TLE1: variants seen among roughly 807,000 people sequenced by gnomAD.
TLE1 encodes the protein transducin-like enhancer protein 1.
TLE1 carries 21 observed loss-of-function variants against 89.8 expected under a neutral mutation model. The observed-to-expected ratio is 0.23, with a 90% CI of 0.17 to 0.34. The LOEUF (loss-of-function observed/expected upper bound fraction) is 0.34. Among genes scored for constraint, TLE1 ranks in the 10% least tolerant of loss-of-function variants. The pLI, the probability that TLE1 is intolerant of heterozygous loss-of-function variation, is 1.00. For synonymous variants in TLE1, 447 were observed against 407.6 expected, an observed-to-expected ratio of 1.10 and a Z score of -1.16; for missense variants, 795 against 1,031.2, an observed-to-expected ratio of 0.77 and a Z score of 3.14.
At chr9:81,593,397 T>G (rs1010792676) in intron 14 of TLE1, 123 bp from the exon 15 acceptor site, 11 of 1,307,440 alleles carry the variant, frequency 8.4e-6, no homozygotes, top group Non-Finnish European at 1.1e-5. Context: ...TTGTATAGTT[T>G]CCTTTGAAAT....
intron 14 of TLE1, among the ~76,000 whole-genome samples, chr9:81,606,798 T>TAG (rs1300734256): frequency 6.0e-5 from 9 of 149,764 alleles, no homozygotes; most frequent in East Asian, 2.0e-4. Flanking sequence ...CATATATATA[T>TAG]ATATAGAGAG....
At chr9:81,641,976 C>T (rs771108625) in intron 6 of TLE1, among the ~76,000 whole-genome samples, 4 of 151,956 alleles carry the variant, frequency 2.6e-5, no homozygotes, top group African/African-American at 7.3e-5. Flanking sequence ...AAGCGGAGAT[C>T]GCGCCATTGC....
intron 16 of TLE1, among the ~76,000 whole-genome samples, chr9:81,588,176 A>T (rs1052055272): frequency 1.3e-5 from 2 of 152,226 alleles, no homozygotes; most frequent in Non-Finnish European, 2.9e-5. Flanking sequence ...AATAGAAAAT[A>T]AAAGACAAAC....
At chr9:81,666,895 A>T (rs369707622) in intron 4 of TLE1, among the ~76,000 whole-genome samples, 1 of 152,126 alleles carries the variant, frequency 6.6e-6, no homozygotes, top group Non-Finnish European at 1.5e-5. Context: ...AGGTAAGAGG[A>T]TCACCGCAGA....
intron 4 of TLE1, among the ~76,000 whole-genome samples, chr9:81,660,903 T>C (rs948657584): frequency 6.8e-6 from 1 of 146,102 alleles, no homozygotes; most frequent in African/African-American, 2.5e-5. Context: ...AAGACCATTC[T>C]GGCTAACACG....
intron 14 of TLE1, among the ~76,000 whole-genome samples, chr9:81,608,497 G>A (rs1445115762): frequency 3.9e-5 from 6 of 152,144 alleles, no homozygotes; most frequent in Non-Finnish European, 7.4e-5. Flanking sequence ...CTGGGCAACA[G>A]AGCAAGACCC....
Position 81,585,675 on chromosome 9 carries a change from C to T in TLE1, c.1978-20G>A, listed in dbSNP as rs764004060. On this transcript the variant is annotated intron_variant, in intron 17 of 19. Transcript: ENST00000376499. Reference sequence around the variant, plus strand: ...GAAGATCTACAAGGAGCAAGACAGGCTCACTCATTATTCCGCCTGATACAC... The same window carrying T: ...GAAGATCTACAAGGAGCAAGACAGGTTCACTCATTATTCCGCCTGATACAC... 2.5e-6 allele frequency: 4 copies of T among 1,612,342 alleles called. No individual in the cohort carries two copies. The Admixed American group carries it at 6.7e-5, about 27-fold the overall frequency.
At chr9:81,679,439 CTTAAT>C (rs1312361169) in intron 4 of TLE1, among the ~76,000 whole-genome samples, 3 of 151,944 alleles carry the variant, frequency 2.0e-5, no homozygotes, top group Admixed American at 6.6e-5. Flanking sequence ...ACATGAATAT[CTTAAT>C]TTATGTTAAA....
intron 4 of TLE1, among the ~76,000 whole-genome samples, chr9:81,668,279 A>G (rs1276055947): frequency 1.3e-5 from 2 of 152,208 alleles, no homozygotes; most frequent in African/African-American, 4.8e-5. Flanking sequence ...AACAGTTAAC[A>G]GTCAAGAAGT....
At chr9:81,654,322 T>G (rs1829899255) in intron 4 of TLE1, among the ~76,000 whole-genome samples, 1 of 152,124 alleles carries the variant, frequency 6.6e-6, no homozygotes, top group Non-Finnish European at 1.5e-5. Flanking sequence ...TTTAATATGG[T>G]GACTATATAT....
chr9:81,669,826 C>T (rs1367417583), intron 4 of TLE1, among the ~76,000 whole-genome samples: 1 of 152,156 alleles, frequency 6.6e-6, no homozygotes, highest in African/African-American at 2.4e-5. Context: ...ATAACCCTGA[C>T]TTTATACCAA....
intron 8 of TLE1, among the ~76,000 whole-genome samples, chr9:81,621,780 C>T (rs181483306): frequency 6.2e-4 from 94 of 152,250 alleles, no homozygotes; most frequent in African/African-American, 1.9e-3. Flanking sequence ...GGGTTGTCTC[C>T]AGCTCAACCA....
intron 4 of TLE1, among the ~76,000 whole-genome samples, chr9:81,682,879 A>C (rs563176494): frequency 5.2e-4 from 79 of 152,332 alleles, no homozygotes; most frequent in Non-Finnish European, 9.6e-4. Flanking sequence ...GAAAGACTTA[A>C]GTATCTATTA....
intron 14 of TLE1, among the ~76,000 whole-genome samples, chr9:81,593,873 A>G (rs1829873326): frequency 6.6e-6 from 1 of 152,164 alleles, no homozygotes; most frequent in African/African-American, 2.4e-5. Context: ...CTACTCAACA[A>G]TCTTCCTTGC....
intron 17 of TLE1, among the ~76,000 whole-genome samples, chr9:81,586,140 C>T (rs1828403131): frequency 1.3e-5 from 2 of 151,760 alleles, no homozygotes; most frequent in Non-Finnish European, 2.9e-5. Context: ...GCCTCAGCCT[C>T]CCAAGTAGCT....
chr9:81,662,017 C>T (rs572660206), intron 4 of TLE1, among the ~76,000 whole-genome samples: 2 of 152,172 alleles, frequency 1.3e-5, no homozygotes, highest in South Asian at 4.2e-4. Flanking sequence ...TAAGGCTTCC[C>T]ACAGCTAAGA....
At chr9:81,608,599 A>C (rs1823280966) in intron 14 of TLE1, among the ~76,000 whole-genome samples, 1 of 152,180 alleles carries the variant, frequency 6.6e-6, no homozygotes, top group Non-Finnish European at 1.5e-5. Context: ...GGGTATGACA[A>C]AAACAAACTG....
At chr9:81,673,610 G>A (rs1832527278) in intron 4 of TLE1, among the ~76,000 whole-genome samples, 1 of 152,194 alleles carries the variant, frequency 6.6e-6, no homozygotes, top group African/African-American at 2.4e-5. Flanking sequence ...TGGGGTAGGT[G>A]CTACTGTCAT....
chr9:81,627,751 C>G (rs1826078194), intron 8 of TLE1, among the ~76,000 whole-genome samples: 1 of 152,102 alleles, frequency 6.6e-6, no homozygotes, highest in Non-Finnish European at 1.5e-5. Flanking sequence ...AAAACAGTAC[C>G]TCCTAGGCTG....
Sources: allele counts gnomAD v4.1 joint callset (sites outside exome capture counted in the v4.1 genomes callset), GRCh38; gene constraint gnomAD v4.1.1; transcripts MANE v1.5; gene names NCBI Gene and HGNC (gene_info 2026-07-23, HGNC 2026-07-21).